Variants in GALM observed in about 807,000 individuals in gnomAD.
GALM encodes the protein aldose 1-epimerase.
In GALM, 43 loss-of-function variants were observed where a neutral mutation model predicts 37.4. That is an observed-to-expected ratio of 1.15 (90% CI 0.90 to 1.48). GALM has a LOEUF of 1.48. Among genes scored for constraint, GALM ranks in the 40% most tolerant of loss-of-function variants. The pLI, the probability that GALM is intolerant of heterozygous loss-of-function variation, is 0.00. For synonymous variants in GALM, 199 were observed against 170.6 expected (o/e 1.17, Z -1.30); for missense variants, 456 against 419.1 (o/e 1.09, Z -0.77).
chr2:38,711,503 G>A (rs1314868806), intron 4 of GALM, among the ~76,000 whole-genome samples: 2 of 151,906 alleles, frequency 1.3e-5, no homozygotes, highest in African/African-American at 2.4e-5. Flanking sequence ...CTTGCTGTCA[G>A]CCATCATCCT....
intron 4 of GALM, among the ~76,000 whole-genome samples, chr2:38,723,555 G>A (rs1212568204): frequency 6.6e-6 from 1 of 152,154 alleles, no homozygotes; most frequent in East Asian, 1.9e-4. Flanking sequence ...TTGGGAAGCT[G>A]AGGCAGGAGG....
Position 38,666,202 on chromosome 2 carries a change from C to T in GALM, c.41C>T (p.Ser14Leu). The T allele has an allele frequency of 1.9e-6, 3 of 1,613,804 alleles. No homozygotes were observed. Among genetic ancestry groups the T allele is most frequent in the Non-Finnish European group, 2.5e-6 (3 of 1,179,862 alleles). The change falls in exon 1 of 7, where the codon TCG becomes TTG. Residue 14 changes from serine to leucine, a missense_variant. Physicochemically the swap from Ser to Leu is moderately radical, Grantham distance 145. Coordinates refer to ENST00000272252, the MANE Select transcript of GALM (RefSeq NM_138801.3). ...VTRAVFGELPSGGGTVEKFQL... is the reference protein window; with the variant it reads ...VTRAVFGELPLGGGTVEKFQL... The stretch of plus-strand genomic sequence containing the variant: ...AGGGCCGTGTTTGGAGAGCTGCCCT[C>T]GGGAGGAGGGACAGTGGAGAAGTTC...
chr2:38,714,789 GT>G (rs1394870756), intron 4 of GALM, among the ~76,000 whole-genome samples: 1 of 152,162 alleles, frequency 6.6e-6, no homozygotes, highest in Non-Finnish European at 1.5e-5. Flanking sequence ...AACCTAGTAT[GT>G]TTGCTTTAAA....
chr2:38,688,206 C>G (rs138688068), intron 3 of GALM, among the ~76,000 whole-genome samples: 96 of 144,676 alleles, frequency 6.6e-4, no homozygotes, highest in African/African-American at 2.3e-3. Flanking sequence ...AGTGAGACTC[C>G]GTCTCAAAAA....
chr2:38,715,759 G>A (rs528802968), intron 4 of GALM, among the ~76,000 whole-genome samples: 9 of 152,156 alleles, frequency 5.9e-5, no homozygotes, highest in Admixed American at 6.6e-5. Context: ...TAACTCCAGA[G>A]TTACGCTGTT....
At chr2:38,671,673 G>C (rs1665109203) in intron 1 of GALM, among the ~76,000 whole-genome samples, 2 of 152,158 alleles carry the variant, frequency 1.3e-5, no homozygotes. Flanking sequence ...TCAGAGACAG[G>C]ATTTCTGCTG....
intron 4 of GALM, 64 bp downstream of exon 4, chr2:38,689,958 G>A (rs1244497627): frequency 1.3e-5 from 11 of 845,106 alleles, no homozygotes; most frequent in South Asian, 6.0e-5. Context: ...GCCAAGAAAG[G>A]ACATTAGTGG....
At chr2:38,685,981 G>A (rs565192874) in intron 3 of GALM, among the ~76,000 whole-genome samples, 3 of 152,080 alleles carry the variant, frequency 2.0e-5, no homozygotes, top group African/African-American at 7.2e-5. Flanking sequence ...CCAAACTTCT[G>A]GGATTACAGG....
At chr2:38,675,542 TTTGTGTGTGTGTGTG>T (rs1420955536) in intron 1 of GALM, among the ~76,000 whole-genome samples, 80 of 79,570 alleles carry the variant, frequency 1.0e-3, no homozygotes, top group Admixed American at 2.0e-3. Context: ...TTTTTTTTTT[TTTGTGTGTGTGTGTG>T]TGTGTGTGTG....
At chr2:38,694,190 G>A (rs1024281635) in intron 4 of GALM, among the ~76,000 whole-genome samples, 2 of 151,890 alleles carry the variant, frequency 1.3e-5, no homozygotes, top group Non-Finnish European at 2.9e-5. Flanking sequence ...CAAAAAAAAA[G>A]AAGAAGATTT....
chr2:38,671,714 G>A (rs1665109832), intron 1 of GALM, among the ~76,000 whole-genome samples: 1 of 152,128 alleles, frequency 6.6e-6, no homozygotes, highest in Non-Finnish European at 1.5e-5. Context: ...ATTCCTCCAG[G>A]GGCACAGTGG....
chr2:38,733,280 C>G (rs1351557589), intron 6 of GALM, among the ~76,000 whole-genome samples: 2 of 151,434 alleles, frequency 1.3e-5, no homozygotes, highest in African/African-American at 4.8e-5. Flanking sequence ...CACTGCTTCC[C>G]TTCATCAGGA....
At chr2:38,669,835 T>G (rs772888904) in intron 1 of GALM, among the ~76,000 whole-genome samples, 3 of 151,520 alleles carry the variant, frequency 2.0e-5, no homozygotes, top group Non-Finnish European at 4.4e-5. Context: ...ATTGTGCTAC[T>G]GCACTCCAGC....
At chr2:38,698,327 G>A (rs959619853) in intron 4 of GALM, 1 of 1,183,686 alleles carries the variant, frequency 8.4e-7, no homozygotes, top group Admixed American at 2.3e-5. Flanking sequence ...TGAGTGCATA[G>A]CCCTTGCTCA....
At chr2:38,727,309 C>T (rs1416164304) in intron 4 of GALM, among the ~76,000 whole-genome samples, 4 of 152,020 alleles carry the variant, frequency 2.6e-5, no homozygotes, top group African/African-American at 9.7e-5. Context: ...AGGATGGTAT[C>T]GCCTGGACCT....
intron 4 of GALM, among the ~76,000 whole-genome samples, chr2:38,715,820 C>T (rs1179110475): frequency 1.3e-5 from 2 of 152,204 alleles, no homozygotes; most frequent in African/African-American, 2.4e-5. Flanking sequence ...GAGTACTTAC[C>T]ACTTGCTGAG....
intron 4 of GALM, among the ~76,000 whole-genome samples, chr2:38,705,057 C>T (rs937016328): frequency 1.3e-5 from 2 of 152,152 alleles, no homozygotes; most frequent in Non-Finnish European, 2.9e-5. Context: ...CTTGGCCAGG[C>T]GATGTGTAAT....
At chr2:38,686,115 C>G (rs1037770682) in intron 3 of GALM, among the ~76,000 whole-genome samples, 2 of 151,674 alleles carry the variant, frequency 1.3e-5, no homozygotes, top group Non-Finnish European at 2.9e-5. Flanking sequence ...CCTTCTCCTC[C>G]TAGGCTTCTT....
At chr2:38,688,340 C>T (rs1665591930) in intron 3 of GALM, among the ~76,000 whole-genome samples, 1 of 151,988 alleles carries the variant, frequency 6.6e-6, no homozygotes, top group African/African-American at 2.4e-5. Context: ...GGAGAAACCC[C>T]GTCTCTACTA....
Sources: gnomAD v4.1 joint callset for allele counts (sites outside exome capture counted in the v4.1 genomes callset) on GRCh38, gnomAD v4.1.1 for gene constraint, MANE v1.5 for transcripts, NCBI Gene and HGNC (gene_info 2026-07-23, HGNC 2026-07-21) for gene names.